The following SCFD1 variants were observed in gnomAD, a reference collection of about 807,000 sequenced individuals.
The protein encoded by SCFD1 is sec1 family domain containing 1, also known as sec1 family domain-containing protein 1.
Under a neutral mutation model 103.2 loss-of-function variants are expected in SCFD1, and 37 were observed. The observed-to-expected ratio is 0.36, with a 90% CI of 0.28 to 0.47. The LOEUF (loss-of-function observed/expected upper bound fraction) is 0.47, where lower values mean the gene tolerates loss of function less well. Among genes scored for constraint, SCFD1 ranks in the 20% least tolerant of loss-of-function variants. SCFD1 has a pLI of 1.00. For missense variants in SCFD1, 639 were observed against 761.2 expected (o/e 0.84, Z 1.89); for synonymous variants, 264 against 245.0 (o/e 1.08, Z -0.73).
chr14:30,719,753 A>G (rs1210628739), intron 21 of SCFD1, among the ~76,000 whole-genome samples: 1 of 152,122 alleles, frequency 6.6e-6, no homozygotes, highest in Non-Finnish European at 1.5e-5. Context: ...GTTGTTTTTT[A>G]TTTAACTGGT....
intron 14 of SCFD1, among the ~76,000 whole-genome samples, chr14:30,682,874 GTATT>G (rs1476105543): frequency 1.3e-4 from 19 of 151,926 alleles, no homozygotes; most frequent in Non-Finnish European, 2.6e-4. Context: ...TGACCAAAAT[GTATT>G]TATTTAATAT....
At chr14:30,695,976 G>A (rs1435854806) in intron 15 of SCFD1, among the ~76,000 whole-genome samples, 1 of 152,122 alleles carries the variant, frequency 6.6e-6, no homozygotes, top group Non-Finnish European at 1.5e-5. Context: ...TCTACATAGA[G>A]TCTTAGTCTC....
intron 23 of SCFD1, among the ~76,000 whole-genome samples, chr14:30,731,434 C>G (rs1318209164): frequency 1.3e-5 from 2 of 152,136 alleles, no homozygotes; most frequent in Non-Finnish European, 2.9e-5. Flanking sequence ...CTATAAATTA[C>G]CTTGGGCAGT....
intron 10 of SCFD1, chr14:30,658,165 T>C: frequency 2.3e-6 from 1 of 443,548 alleles, no homozygotes; most frequent in South Asian, 1.6e-5. Context: ...GTTTTTTTAC[T>C]TGGCCTTTAT....
chr14:30,660,532 T>C (rs1359336624), intron 10 of SCFD1, among the ~76,000 whole-genome samples: 5 of 152,174 alleles, frequency 3.3e-5, no homozygotes, highest in African/African-American at 1.2e-4. Context: ...CTGATAATTA[T>C]TGCCTCTTTA....
rs370619752 is a variant in SCFD1 at position 30,664,742 on chromosome 14, A to T, written c.856-5514A>T. Among the ~76,000 whole-genome samples, 111 of 152,334 alleles carry T rather than the reference A, an allele frequency of 7.3e-4. 1 individual carries two copies. In the East Asian group the frequency reaches 0.014, roughly 20 times the overall value. On this transcript the variant is annotated intron_variant, in intron 10 of 24. Transcript: ENST00000458591. ...AAAACCATGGCACGAGAACTACGTG[A>T]TGCATGCACAAGCTTCAGTAGCCAA...
At chr14:30,696,140 G>A (rs1890685112) in intron 15 of SCFD1, among the ~76,000 whole-genome samples, 1 of 152,126 alleles carries the variant, frequency 6.6e-6, no homozygotes, top group East Asian at 1.9e-4. Context: ...TATAGTTTTG[G>A]TATGAATTTT....
chr14:30,700,677 TA>T lies in SCFD1; in HGVS notation c.1410+423del, dbSNP rs1266564035. Among the ~76,000 whole-genome samples the T allele has an allele frequency of 2.6e-5, 4 of 152,026 alleles. No homozygotes were observed. The South Asian group carries it at 6.2e-4, about 24-fold the overall frequency. On this transcript the variant is annotated intron_variant, in intron 16 of 24. Coordinates refer to ENST00000458591, the MANE Select transcript of SCFD1 (RefSeq NM_016106.4). ...TGACAGAGCAATACTCCATCTCAAATAAAATAAAAGAAAAAAAAGAAAAACA... is the reference window on the plus strand; with the variant it reads ...TGACAGAGCAATACTCCATCTCAAATAAATAAAAGAAAAAAAAGAAAAACA...
chr14:30,729,862 G>A (rs189428130), intron 23 of SCFD1, among the ~76,000 whole-genome samples: 234 of 148,084 alleles, frequency 1.6e-3, no homozygotes, highest in African/African-American at 5.6e-3. Flanking sequence ...ATGCTGTTAC[G>A]AAAGGCATTT....
intron 19 of SCFD1, 128 bp downstream of exon 19, chr14:30,708,193 CTTTTTT>C: frequency 1.6e-6 from 1 of 628,780 alleles, no homozygotes; most frequent in Non-Finnish European, 2.8e-6. Context: ...CAAGGAGTTC[CTTTTTT>C]TTTAAGTTCT....
chr14:30,706,841 A>G (rs2139360523), intron 18 of SCFD1, among the ~76,000 whole-genome samples: 1 of 152,344 alleles, frequency 6.6e-6, no homozygotes, highest in Middle Eastern at 3.4e-3. Flanking sequence ...AATAATTTCC[A>G]AAAACAAAAG....
intron 23 of SCFD1, among the ~76,000 whole-genome samples, chr14:30,729,845 T>C (rs1893312861): frequency 2.0e-5 from 3 of 151,846 alleles, no homozygotes; most frequent in Admixed American, 2.0e-4. Context: ...CTTCAGAGTA[T>C]ATTTTTATGC....
chr14:30,625,935 C>T (rs1285169787), intron 1 of SCFD1, among the ~76,000 whole-genome samples: 1 of 152,038 alleles, frequency 6.6e-6, no homozygotes, highest in Non-Finnish European at 1.5e-5. Context: ...GCAGCTCAGG[C>T]TTTCGTTCTT....
chr14:30,673,659 G>A (rs117928157), intron 12 of SCFD1, among the ~76,000 whole-genome samples: 1 of 152,106 alleles, frequency 6.6e-6, no homozygotes, highest in Admixed American at 6.5e-5. Flanking sequence ...CCTATGGCAC[G>A]TCTCTGGGCC....
At chr14:30,623,484 G>T (rs920762561) in intron 1 of SCFD1, among the ~76,000 whole-genome samples, 1 of 152,048 alleles carries the variant, frequency 6.6e-6, no homozygotes, top group Non-Finnish European at 1.5e-5. Context: ...GTGAAGTCAG[G>T]CATAACTAAA....
At chr14:30,622,912 G>A (rs1256978677) in intron 1 of SCFD1, among the ~76,000 whole-genome samples, 1 of 152,176 alleles carries the variant, frequency 6.6e-6, no homozygotes, top group Non-Finnish European at 1.5e-5. Flanking sequence ...TCAGCTTGCT[G>A]GAAGGCATTG....
chr14:30,650,562 C>T lies in SCFD1; in HGVS notation c.670-3C>T, dbSNP rs532506673. ...AGAGTTAATCTAAAATTTTATTTTT[C>T]AGAAACTAGACAAGAAACTTCGAGA... is the stretch of plus-strand genomic sequence containing the variant. On this transcript the variant is annotated splice_region_variant and splice_polypyrimidine_tract_variant and intron_variant, in intron 8 of 24. Transcript: ENST00000458591. 80 of 1,565,742 alleles carry T rather than the reference C, an allele frequency of 5.1e-5. No homozygotes were observed. The African/African-American group carries it at 6.5e-4, about 13-fold the overall frequency.
intron 10 of SCFD1, among the ~76,000 whole-genome samples, chr14:30,663,610 A>G (rs760379926): frequency 6.6e-6 from 1 of 152,148 alleles, no homozygotes; most frequent in Non-Finnish European, 1.5e-5. Context: ...CATTTATTGT[A>G]ACTCTCTAGT....
At chr14:30,729,025 G>A (rs900900649) in intron 23 of SCFD1, among the ~76,000 whole-genome samples, 1 of 151,932 alleles carries the variant, frequency 6.6e-6, no homozygotes, top group African/African-American at 2.4e-5. Flanking sequence ...CTCCCAGAGT[G>A]TTGGGATTAC....
Sources: allele counts gnomAD v4.1 joint callset (sites outside exome capture counted in the v4.1 genomes callset), GRCh38; gene constraint gnomAD v4.1.1; transcripts MANE v1.5; gene names NCBI Gene and HGNC (gene_info 2026-07-23, HGNC 2026-07-21).